The following TRNT1 variants were observed in gnomAD, a reference collection of about 807,000 sequenced individuals.
TRNT1 encodes the protein tRNA nucleotidyl transferase 1.
In TRNT1, 44 loss-of-function variants were observed where a neutral mutation model predicts 45.6. The ratio of observed to expected loss-of-function variants is 0.97; its 90% CI spans 0.76 to 1.24. The LOEUF (loss-of-function observed/expected upper bound fraction) is 1.24, where lower values mean the gene tolerates loss of function less well. Among genes scored for constraint, TRNT1 ranks in the 50% most tolerant of loss-of-function variants. The probability of loss-of-function intolerance (pLI) is 0.00; values close to 1 mark genes in which losing one functional copy is unlikely to be tolerated. For missense variants in TRNT1, 633 were observed against 504.4 expected, an observed-to-expected ratio of 1.25 and a Z score of -2.44; for synonymous variants, 201 against 171.4, an observed-to-expected ratio of 1.17 and a Z score of -1.35.
At chr3:3,134,845 A>C (rs937965679) in intron 2 of TRNT1, among the ~76,000 whole-genome samples, 1 of 152,084 alleles carries the variant, frequency 6.6e-6, no homozygotes, top group African/African-American at 2.4e-5. Context: ...TTTTAATATA[A>C]TTGGTATGTA....
chr3:3,151,172 G>T (rs1479491458), downstream of TRNT1: 4 of 985,576 alleles, frequency 4.1e-6, no homozygotes, highest in Non-Finnish European at 6.1e-6. Flanking sequence ...GTTGAGATTT[G>T]ATCCATACAG....
intron 7 of TRNT1, 69 bp downstream of exon 7, chr3:3,147,772 C>T: frequency 1.3e-6 from 2 of 1,529,598 alleles, no homozygotes; most frequent in Middle Eastern, 1.8e-4. Flanking sequence ...TTTATTAAAA[C>T]TAAGATCTAC....
chr3:3,147,734 T>A (rs374589459), intron 7 of TRNT1, 31 bp downstream of exon 7: 7 of 1,565,644 alleles, frequency 4.5e-6, no homozygotes, highest in Non-Finnish European at 6.0e-6. Flanking sequence ...GTCAGAAATA[T>A]GAAGTATCGT....
downstream of TRNT1, chr3:3,153,407 CG>C (rs766562089): frequency 4.4e-6 from 6 of 1,359,888 alleles, no homozygotes; most frequent in African/African-American, 1.4e-5. Flanking sequence ...ATATTAAAAA[CG>C]TAATAAAGAC....
Position 3,147,572 on chromosome 3 carries a change from T to C in TRNT1, c.925T>C (p.Leu309=), listed in dbSNP as rs985101465. Residue 309 remains leucine (L), a synonymous_variant, in exon 7 of 8, where the codon TTG becomes CTG. Transcript: ENST00000251607. The part of the protein sequence containing the change: ...LFKVQDDVTK[L]DLRLKIAKEE... ...CAAAGTACAAGATGATGTCACAAAA[T>C]TGGATTTGAGGTTGAAGATCGCAAA... 1 of 1,613,822 alleles carries C rather than the reference T, an allele frequency of 6.2e-7. No individual in the cohort carries two copies. Among genetic ancestry groups the C allele is most frequent in the African/African-American group, 1.3e-5 (1 of 74,902 alleles).
At chr3:3,133,689 CAG>C (rs1217490597) in intron 2 of TRNT1, among the ~76,000 whole-genome samples, 6 of 152,096 alleles carry the variant, frequency 3.9e-5, no homozygotes, top group African/African-American at 1.4e-4. Context: ...CTGTTGTCCA[CAG>C]GGGGTGATAG....
At chr3:3,137,041 C>G (rs1705369772) in intron 2 of TRNT1, among the ~76,000 whole-genome samples, 1 of 152,186 alleles carries the variant, frequency 6.6e-6, no homozygotes, top group South Asian at 2.1e-4. Context: ...GCAAAGAATT[C>G]TGCAAGTTCT....
chr3:3,143,435 A>G (rs1705785481), intron 4 of TRNT1, among the ~76,000 whole-genome samples: 2 of 152,230 alleles, frequency 1.3e-5, no homozygotes. Flanking sequence ...TAATAGATTA[A>G]CATGGTTCAA....
rs1170966722 is a variant in TRNT1, at chr3:3,144,617, G to C, written c.515G>C (p.Gly172Ala). ...FDGTLFDYFN[G>A]YEDLKNKKVR... ...GGCACTTTATTTGACTACTTTAATG[G>C]TTATGAAGATTTAAAAAATAAGAAA... Residue 172 changes from glycine (G) to alanine (A), a missense_variant, in exon 5 of 8, where the codon GGT becomes GCT. By Grantham distance (60) the Gly-to-Ala change is moderately conservative. Coordinates refer to ENST00000251607, the MANE Select transcript of TRNT1 (RefSeq NM_182916.3). The C allele has an allele frequency of 1.3e-6, 2 of 1,586,230 alleles. No homozygotes were observed.
chr3:3,138,709 C>A (rs925637064), intron 3 of TRNT1, among the ~76,000 whole-genome samples: 4 of 152,172 alleles, frequency 2.6e-5, no homozygotes, highest in Non-Finnish European at 5.9e-5. Flanking sequence ...CTGACAACTT[C>A]TGTGGTCTTG....
Position 3,148,898 on chromosome 3 carries a change from C to G in TRNT1, c.*744C>G, listed in dbSNP as rs74407198. On this transcript the variant is annotated 3_prime_UTR_variant, in exon 8 of 8. Transcript: ENST00000251607. ...GACAATGTGTATTAGGTGTCATATA[C>G]AATGGTAATATGCCTGTCTTTAAAG... 6.6e-6 allele frequency: 1 copy of G among 151,914 alleles called. No homozygotes were observed. Among genetic ancestry groups the G allele is most frequent in the Non-Finnish European group, 1.5e-5 (1 of 67,942 alleles). 9.4% of individuals were successfully genotyped at this position (151,914 alleles called of 1,614,324 possible).
At chr3:3,147,242 CAA>C (rs1341846447) in intron 6 of TRNT1, among the ~76,000 whole-genome samples, 1 of 152,092 alleles carries the variant, frequency 6.6e-6, no homozygotes, top group Non-Finnish European at 1.5e-5. Flanking sequence ...TTAATGGAAA[CAA>C]GAACATTTTA....
chr3:3,136,093 A>G (rs1474981292), intron 2 of TRNT1, among the ~76,000 whole-genome samples: 1 of 152,178 alleles, frequency 6.6e-6, no homozygotes, highest in African/African-American at 2.4e-5. Flanking sequence ...CCTAATTGGT[A>G]AGGCACAGTC....
At chr3:3,134,972 A>C (rs1424753651) in intron 2 of TRNT1, among the ~76,000 whole-genome samples, 1 of 152,060 alleles carries the variant, frequency 6.6e-6, no homozygotes, top group African/African-American at 2.4e-5. Context: ...TTGTTTTCCA[A>C]CTGGGTAGTT....
At chr3:3,134,181 G>C (rs538458759) in intron 2 of TRNT1, among the ~76,000 whole-genome samples, 6 of 152,244 alleles carry the variant, frequency 3.9e-5, no homozygotes, top group Non-Finnish European at 7.4e-5. Context: ...AGCTCGCAAA[G>C]TCTTTTGAAA....
chr3:3,128,323 T>C (rs574164055), intron 1 of TRNT1, among the ~76,000 whole-genome samples: 86 of 152,248 alleles, frequency 5.6e-4, no homozygotes, highest in Non-Finnish European at 1.1e-3. Context: ...GTGGCCGGGC[T>C]CAGTGGCTCA....
intron 4 of TRNT1, among the ~76,000 whole-genome samples, chr3:3,143,128 C>T (rs1197032328): frequency 6.6e-6 from 1 of 152,198 alleles, no homozygotes; most frequent in Admixed American, 6.5e-5. Flanking sequence ...TCATAGATCA[C>T]TGACCTCCCC....
intron 4 of TRNT1, among the ~76,000 whole-genome samples, chr3:3,141,728 A>T (rs144488317): frequency 2.8e-4 from 42 of 152,348 alleles, no homozygotes; most frequent in Admixed American, 9.2e-4. Flanking sequence ...CACTGTTCAT[A>T]ACCTAGTTTG....
chr3:3,128,766 G>C (rs1399779573), intron 1 of TRNT1, among the ~76,000 whole-genome samples: 1 of 60,862 alleles, frequency 1.6e-5, no homozygotes, highest in African/African-American at 3.9e-5. Flanking sequence ...CAGTCAGTCA[G>C]TACTGAAACA....
Sources: gnomAD v4.1 joint callset for allele counts (sites outside exome capture counted in the v4.1 genomes callset) on GRCh38, gnomAD v4.1.1 for gene constraint, MANE v1.5 for transcripts, NCBI Gene and HGNC (gene_info 2026-07-23, HGNC 2026-07-21) for gene names.